Variants in GSDME observed in about 807,000 individuals in gnomAD.
GSDME encodes the protein gasdermin E.
Under a neutral mutation model 47.5 loss-of-function variants are expected in GSDME, and 44 were observed. The ratio of observed to expected loss-of-function variants is 0.93; its 90% CI spans 0.73 to 1.19. GSDME has a LOEUF of 1.19. GSDME is among the 50% of genes most tolerant of loss of function. The probability of loss-of-function intolerance (pLI) is 0.00; values close to 1 mark genes in which losing one functional copy is unlikely to be tolerated. For synonymous variants in GSDME, 258 were observed against 252.8 expected, an observed-to-expected ratio of 1.02 and a Z score of -0.20; for missense variants, 663 against 604.2, an observed-to-expected ratio of 1.10 and a Z score of -1.02.
intron 6 of GSDME, 142 bp downstream of exon 6, chr7:24,710,082 G>A (rs1366123592): frequency 1.6e-5 from 15 of 913,734 alleles, no homozygotes; most frequent in Non-Finnish European, 2.5e-5. Context: ...GAGTGGACTG[G>A]GCCTCGGCGG....
At chr7:24,783,910 GTTGAGT>G in the GSDME span, among the ~76,000 whole-genome samples, 1 of 152,146 alleles carries the variant, frequency 6.6e-6, no homozygotes, top group East Asian at 1.9e-4. Context: ...CCTTGGATGT[GTTGAGT>G]TTGAGATGCC....
chr7:24,763,291 T>A, the GSDME span, among the ~76,000 whole-genome samples: 1 of 152,036 alleles, frequency 6.6e-6, no homozygotes, highest in Admixed American at 6.6e-5. This position sits in a 1 kb window ranked among gnomAD's most constrained non-coding sequence, Gnocchi z 4.3. Context: ...GCATACAATT[T>A]TTTTCTTTCC....
chr7:24,757,576 G>A (rs1294256295), upstream of GSDME: 1 of 152,220 alleles, frequency 6.6e-6, no homozygotes, highest in Non-Finnish European at 1.5e-5. This position sits in a 1 kb window ranked among gnomAD's most constrained non-coding sequence, Gnocchi z 5.9. Flanking sequence ...GAGGCTGCGG[G>A]AGGGGCCCGG....
intron 3 of GSDME, among the ~76,000 whole-genome samples, chr7:24,740,774 T>C (rs1231163716): frequency 6.6e-6 from 1 of 152,224 alleles, no homozygotes; most frequent in African/African-American, 2.4e-5. Context: ...ATTTATTTAA[T>C]TTGGAATTCC....
rs957815267 is a variant in GSDME at position 24,721,955 on chromosome 7, C to T, written c.405-2737G>A. On this transcript the variant is annotated intron_variant, in intron 3 of 9. Transcript: ENST00000645220. This position sits in a 1 kb window ranked among gnomAD's most constrained non-coding sequence, Gnocchi z 4.1. ...TTCACTGACTCATTGGTCACCTCCT[C>T]GGGGAAGCATTCCCTGCACCCCCAT... Among the ~76,000 whole-genome samples the T allele has an allele frequency of 3.9e-4, 59 of 152,194 alleles. No individual in the cohort carries two copies. The highest frequency in any genetic ancestry group is 1.3e-3 in the African/African-American group (55 of 41,434).
chr7:24,752,623 C>T (rs562106600), intron 1 of GSDME, among the ~76,000 whole-genome samples: 2 of 152,244 alleles, frequency 1.3e-5, no homozygotes, highest in South Asian at 2.1e-4. Context: ...AGCCAGTTAC[C>T]AAGAGAGGGA....
In GSDME at chr7:24,732,180, T is replaced by C. The variant is rs1790168206; in HGVS notation, c.404+12382A>G. ...TCATTGTTAGGCACAAACTGTTTAC[T>C]AAAAATAATGATTCCAGTGCTGAGT... is the stretch of plus-strand genomic sequence containing the variant. On this transcript the variant is annotated intron_variant, in intron 3 of 9. Transcript: ENST00000645220. This position sits in a 1 kb window ranked among gnomAD's most constrained non-coding sequence, Gnocchi z 4.8. Among the ~76,000 whole-genome samples, 1 of 152,236 alleles carries C rather than the reference T, an allele frequency of 6.6e-6. No individual in the cohort carries two copies. The highest frequency in any genetic ancestry group is 1.5e-5 in the Non-Finnish European group (1 of 68,042).
chr7:24,740,640 A>G (rs1418694699), intron 3 of GSDME, among the ~76,000 whole-genome samples: 1 of 152,008 alleles, frequency 6.6e-6, no homozygotes, highest in Non-Finnish European at 1.5e-5. Context: ...CATATATCCC[A>G]TAAATGTATG....
intron 9 of GSDME, among the ~76,000 whole-genome samples, chr7:24,701,247 A>G (rs1444631295): frequency 6.6e-6 from 1 of 152,274 alleles, no homozygotes; most frequent in Non-Finnish European, 1.5e-5. Flanking sequence ...AGGTATGTGA[A>G]GATACCCAGG....
rs760983599 is a variant in GSDME at position 24,719,164 on chromosome 7, C to G, written c.459G>C (p.Glu153Asp). ...VLQQVLEGRNEVLCVLTQKIT... is the reference protein window; with the variant it reads ...VLQQVLEGRNDVLCVLTQKIT... ...TCTTCTGTGTCAAAACGCACAGGAC[C>G]TCATTCCTTCCTTCCAGCACCTGCT... is the stretch of plus-strand genomic sequence containing the variant. Residue 153 changes from glutamate (E) to aspartate (D), a missense_variant, in exon 4 of 10, where the codon GAG becomes GAC. By Grantham distance (45) the Glu-to-Asp change is conservative. Transcript: ENST00000645220. 1 of 1,613,830 alleles carries G rather than the reference C, an allele frequency of 6.2e-7. No individual in the cohort carries two copies. Among genetic ancestry groups the G allele is most frequent in the Non-Finnish European group, 8.5e-7 (1 of 1,180,020 alleles).
intron 2 of GSDME, among the ~76,000 whole-genome samples, chr7:24,748,732 C>T (rs1467677686): frequency 6.6e-6 from 1 of 152,066 alleles, no homozygotes; most frequent in Non-Finnish European, 1.5e-5. Context: ...GTGCTCTGTC[C>T]ATGGTGTCAG....
chr7:24,700,285 A>G (rs1788811951), intron 9 of GSDME, among the ~76,000 whole-genome samples: 1 of 152,202 alleles, frequency 6.6e-6, no homozygotes, highest in Admixed American at 6.5e-5. Context: ...ATGCTGCTCT[A>G]ATTCCACTGC....
chr7:24,708,723 T>G (rs1333669448), intron 6 of GSDME, among the ~76,000 whole-genome samples: 1 of 151,980 alleles, frequency 6.6e-6, no homozygotes, highest in Non-Finnish European at 1.5e-5. Context: ...CTTTAATATT[T>G]AATGCCCATT....
rs767759145 is a variant in GSDME, at chr7:24,710,334, T to C, written c.752A>G (p.Asp251Gly). The C allele has an allele frequency of 1.2e-6, 2 of 1,614,182 alleles. No homozygotes were observed. Among genetic ancestry groups the C allele is most frequent in the Non-Finnish European group, 1.7e-6 (2 of 1,180,024 alleles). Reference sequence around the variant, plus strand: ...GACCAGGGGGTCCAGGTAGACAGAGTCAATTCTCTTCTTGTTCTCGAAGCC... The same window carrying C: ...GACCAGGGGGTCCAGGTAGACAGAGCCAATTCTCTTCTTGTTCTCGAAGCC... ...QGGFENKKRI[D>G]SVYLDPLVFR... The change falls in exon 6 of 10, where the codon GAC (aspartate) becomes GGC (glycine). Residue 251 changes from aspartate to glycine, a missense_variant. Coordinates refer to ENST00000645220, the MANE Select transcript of GSDME (RefSeq NM_001127453.2).
the GSDME span, among the ~76,000 whole-genome samples, chr7:24,777,090 T>C: frequency 6.6e-6 from 1 of 152,128 alleles, no homozygotes; most frequent in African/African-American, 2.4e-5. Context: ...ACTTTTATGA[T>C]TAAGAAAATG....
chr7:24,734,371 C>G (rs190082420), intron 3 of GSDME, among the ~76,000 whole-genome samples: 25 of 152,336 alleles, frequency 1.6e-4, no homozygotes, highest in African/African-American at 5.8e-4. Context: ...CTTAAATCTT[C>G]AAAGCCCAGA....
the GSDME span, among the ~76,000 whole-genome samples, chr7:24,793,602 A>G: frequency 1.3e-5 from 2 of 152,160 alleles, no homozygotes; most frequent in Non-Finnish European, 2.9e-5. Flanking sequence ...TTTCTTGCAT[A>G]AATTCCTTTT....
the GSDME span, among the ~76,000 whole-genome samples, chr7:24,779,936 C>T: frequency 6.6e-6 from 1 of 152,254 alleles, no homozygotes; most frequent in African/African-American, 2.4e-5. The surrounding 1 kb of genome is among the most constrained non-coding windows in gnomAD (Gnocchi z 6.0). Context: ...CTTTATCCCA[C>T]GCCCATTCTG....
At chr7:24,715,449 C>G in intron 5 of GSDME, 3 of 470,894 alleles carry the variant, frequency 6.4e-6, no homozygotes, top group Non-Finnish European at 1.3e-5. Flanking sequence ...TGAATCATCA[C>G]TTGTACATCT....
Sources: gnomAD v4.1 joint callset for allele counts (sites outside exome capture counted in the v4.1 genomes callset) on GRCh38, gnomAD v4.1.1 for gene constraint, Gnocchi (gnomAD v3.1) non-coding constraint, MANE v1.5 for transcripts, NCBI Gene and HGNC (gene_info 2026-07-23, HGNC 2026-07-21) for gene names.